Variants in SYMPK observed in about 807,000 individuals in gnomAD.
SYMPK encodes symplekin.
In SYMPK, 49 loss-of-function variants were observed where a neutral mutation model predicts 136.4. That is an observed-to-expected ratio of 0.36 (90% CI 0.29 to 0.46). The LOEUF (loss-of-function observed/expected upper bound fraction) is 0.46, where lower values mean the gene tolerates loss of function less well. Among genes scored for constraint, SYMPK ranks in the 20% least tolerant of loss-of-function variants. The pLI, the probability that SYMPK is intolerant of heterozygous loss-of-function variation, is 1.00. For missense variants in SYMPK, 1,365 were observed against 1,690.0 expected, an observed-to-expected ratio of 0.81 and a Z score of 3.37; for synonymous variants, 766 against 713.0, an observed-to-expected ratio of 1.07 and a Z score of -1.19.
chr19:45,854,580 G>A (rs1206288303), intron 1 of SYMPK, 73 bp from the exon 2 acceptor site: 18 of 1,267,712 alleles, frequency 1.4e-5, no homozygotes, highest in South Asian at 2.5e-5. Flanking sequence ...ATTGTCACCC[G>A]AACACCTACA....
rs1327921082 is a variant in SYMPK at position 45,822,230 on chromosome 19, T to C, written c.2791+526A>G. 2.0e-5 allele frequency among the ~76,000 whole-genome samples: 3 copies of C among 149,498 alleles called. No individual in the cohort carries two copies. The East Asian group carries it at 6.0e-4, about 30-fold the overall frequency. On this transcript the variant is annotated intron_variant, in intron 21 of 26. Coordinates refer to ENST00000245934, the MANE Select transcript of SYMPK (RefSeq NM_004819.3). ...GCCTCCCGGGTTCATGCCATTCTCCTGCCTCAGCCTCCCGAGTAGCTGGGA... is the reference window on the plus strand; with the variant it reads ...GCCTCCCGGGTTCATGCCATTCTCCCGCCTCAGCCTCCCGAGTAGCTGGGA...
At chr19:45,824,984 G>A (rs934142182) in intron 18 of SYMPK, among the ~76,000 whole-genome samples, 187 bp downstream of exon 18, 2 of 152,216 alleles carry the variant, frequency 1.3e-5, no homozygotes, top group Non-Finnish European at 2.9e-5. Context: ...CCTAACTGCC[G>A]GGCCACTTGA....
chr19:45,849,360 C>T (rs1413310110), intron 5 of SYMPK, among the ~76,000 whole-genome samples: 1 of 152,122 alleles, frequency 6.6e-6, no homozygotes, highest in Non-Finnish European at 1.5e-5. Flanking sequence ...TTGCCTCAGT[C>T]TGAGGGCTCA....
chr19:45,851,447 C>T (rs540633311), intron 5 of SYMPK, among the ~76,000 whole-genome samples: 3 of 151,712 alleles, frequency 2.0e-5, no homozygotes, highest in South Asian at 2.1e-4. Context: ...CATGGTGGCA[C>T]GCACCTGTAA....
intron 23 of SYMPK, among the ~76,000 whole-genome samples, chr19:45,817,417 CTTTTTTTTTTTTTTTT>C (rs559430104): frequency 1.8e-5 from 2 of 108,478 alleles, no homozygotes; most frequent in Non-Finnish European, 1.9e-5. Flanking sequence ...TTTTTGTTCT[CTTTTTTTTTTTTTTTT>C]TTTTTTTTTT....
At chr19:45,854,286 C>G (rs1421351167) in intron 2 of SYMPK, 46 bp from the exon 3 acceptor site, 1 of 1,609,744 alleles carries the variant, frequency 6.2e-7, no homozygotes, top group Non-Finnish European at 8.5e-7. Flanking sequence ...CCCAGTCCAG[C>G]CCAGTGCAGC....
intron 1 of SYMPK, among the ~76,000 whole-genome samples, chr19:45,857,136 C>T (rs1971839672): frequency 6.6e-6 from 1 of 151,316 alleles, no homozygotes; most frequent in Non-Finnish European, 1.5e-5. Flanking sequence ...AGGCTGGGTG[C>T]GGTGGCTCAC....
intron 23 of SYMPK, 114 bp downstream of exon 23, chr19:45,817,845 G>T: frequency 8.9e-7 from 1 of 1,122,394 alleles, no homozygotes; most frequent in Non-Finnish European, 1.2e-6. Context: ...AGGCAGAGCA[G>T]AGCCTGCTGT....
chr19:45,838,271 A>G (rs1195814318), intron 10 of SYMPK, among the ~76,000 whole-genome samples, 190 bp downstream of exon 10: 1 of 151,992 alleles, frequency 6.6e-6, no homozygotes, highest in Non-Finnish European at 1.5e-5. Flanking sequence ...AGGTTTCCCC[A>G]GAAGCTAAGC....
intron 17 of SYMPK, 53 bp from the exon 18 acceptor site, chr19:45,825,384 T>G (rs977067249): frequency 6.8e-5 from 108 of 1,579,326 alleles, no homozygotes; most frequent in Non-Finnish European, 8.9e-5. Flanking sequence ...TCCAACCCCC[T>G]CGGACCCTCA....
In SYMPK at chr19:45,822,836, A is replaced by G; in HGVS notation, c.2711T>C (p.Ile904Thr). ...TTTGATGAGTTTAGGCAGGGCCTGG[A>G]TCACCTCTTTCTACAGGGAGAAGGT... ...VLNGLEKKEV[I>T]QALPKLIKLN... is the part of the protein sequence containing the mutation. The change falls in exon 21 of 27, where the codon ATC (isoleucine) becomes ACC (threonine). Residue 904 changes from isoleucine to threonine, a missense_variant. Coordinates refer to ENST00000245934, the MANE Select transcript of SYMPK (RefSeq NM_004819.3). 6.2e-7 allele frequency: 1 copy of G among 1,613,704 alleles called. No homozygotes were observed. The highest frequency in any genetic ancestry group is 8.5e-7 in the Non-Finnish European group (1 of 1,179,802).
In SYMPK at chr19:45,842,497, G is replaced by T; in HGVS notation, c.848-8C>A. ...GCGTCGGGGGCAGGTTGGCTGTGAG[G>T]AAAGTGGCAGGAGCTGTGTCTTGTG... On this transcript the variant is annotated splice_polypyrimidine_tract_variant and splice_region_variant and intron_variant, in intron 8 of 26. Coordinates refer to ENST00000245934, the MANE Select transcript of SYMPK (RefSeq NM_004819.3). The T allele has an allele frequency of 2.5e-6, 4 of 1,607,974 alleles. No homozygotes were observed. In the South Asian group the frequency reaches 3.3e-5, roughly 13 times the overall value.
rs1278872504 is a variant in SYMPK, at chr19:45,842,261, T to A, written c.1076A>T (p.Lys359Met). 6.2e-7 allele frequency: 1 copy of A among 1,614,106 alleles called. No individual in the cohort carries two copies. The highest frequency in any genetic ancestry group is 1.3e-5 in the African/African-American group (1 of 74,940). Residue 359 changes from lysine (K) to methionine (M), a missense_variant, in exon 9 of 27, where the codon AAG (lysine) becomes ATG (methionine). Physicochemically the swap from Lys to Met is moderately conservative, Grantham distance 95. Transcript: ENST00000245934. ...CCAGCCCCTCTCACCCAGCTTCATC[T>A]TCTTGAGTGTGGAGTCCGAGTCATC... ...PRDDSDSTLKKMKLEPNLGED... is the reference protein window; with the variant it reads ...PRDDSDSTLKMMKLEPNLGED...
In SYMPK at chr19:45,835,574, C is replaced by T. The variant is rs543542666; in HGVS notation, c.1243-346G>A. ...GGTGTGTATTCCCCGTAGAGAAACA[C>T]CATGGGAGAAGGCTAAGAAGCAGCA... On this transcript the variant is annotated intron_variant, in intron 10 of 26. Coordinates refer to ENST00000245934, the MANE Select transcript of SYMPK (RefSeq NM_004819.3). Among the ~76,000 whole-genome samples, 4 of 152,102 alleles carry T rather than the reference C, an allele frequency of 2.6e-5. No individual in the cohort carries two copies. The South Asian group carries it at 8.3e-4, about 32-fold the overall frequency.
chr19:45,834,581 C>T (rs918492), intron 11 of SYMPK, among the ~76,000 whole-genome samples: 21,670 of 152,046 alleles, frequency 0.14, 1,621 homozygotes, highest in South Asian at 0.18. Flanking sequence ...TAAGATACCT[C>T]ATTATGTATA....
intron 23 of SYMPK, among the ~76,000 whole-genome samples, chr19:45,817,430 T>C (rs1431590158): frequency 4.8e-5 from 3 of 62,306 alleles, no homozygotes; most frequent in Non-Finnish European, 1.0e-4. Context: ...TTTTTTTTTT[T>C]TTTTTTTTTT....
At chr19:45,846,069 T>C (rs1971552443) in intron 7 of SYMPK, among the ~76,000 whole-genome samples, 2 of 152,144 alleles carry the variant, frequency 1.3e-5, no homozygotes, top group South Asian at 2.1e-4. Flanking sequence ...ACCCTGTCTC[T>C]ACTAAAAATA....
At chr19:45,857,128 G>T (rs1971839486) in intron 1 of SYMPK, among the ~76,000 whole-genome samples, 1 of 151,346 alleles carries the variant, frequency 6.6e-6, no homozygotes. Flanking sequence ...ACAAAACAAG[G>T]CTGGGTGCGG....
intron 1 of SYMPK, among the ~76,000 whole-genome samples, chr19:45,857,798 C>CT (rs545837447): frequency 0.036 from 4,772 of 131,582 alleles, 267 homozygotes; most frequent in African/African-American, 0.12. Flanking sequence ...GCCGAAAATA[C>CT]TTTTTTTTTT....
Sources: gnomAD v4.1 joint callset for allele counts (sites outside exome capture counted in the v4.1 genomes callset) on GRCh38, gnomAD v4.1.1 for gene constraint, MANE v1.5 for transcripts, NCBI Gene and HGNC (gene_info 2026-07-23, HGNC 2026-07-21) for gene names.